The following CYTH1 variants were observed in gnomAD, a reference collection of about 807,000 sequenced individuals.
CYTH1 encodes the protein cytohesin 1, also known as cytohesin-1.
CYTH1 carries 18 observed loss-of-function variants against 61.8 expected under a neutral mutation model. The observed-to-expected ratio is 0.29, with a 90% CI of 0.20 to 0.43. CYTH1 has a LOEUF of 0.43. Among genes scored for constraint, CYTH1 ranks in the 20% least tolerant of loss-of-function variants. CYTH1 has a pLI of 1.00. For missense variants in CYTH1, 336 were observed against 510.5 expected, an observed-to-expected ratio of 0.66 and a Z score of 3.29; for synonymous variants, 174 against 184.3, an observed-to-expected ratio of 0.94 and a Z score of 0.45.
intron 11 of CYTH1, among the ~76,000 whole-genome samples, chr17:78,689,569 T>C (rs2092854994): frequency 6.6e-6 from 1 of 152,026 alleles, no homozygotes; most frequent in Non-Finnish European, 1.5e-5. Context: ...CTTCCACCGC[T>C]CGCCTGCCAC....
chr17:78,756,133 C>CA (rs1266527447), intron 1 of CYTH1, among the ~76,000 whole-genome samples: 2 of 148,530 alleles, frequency 1.3e-5, no homozygotes, highest in African/African-American at 5.0e-5. Context: ...TGGAGTGCAG[C>CA]AGCGTGATCT....
intron 3 of CYTH1, among the ~76,000 whole-genome samples, chr17:78,705,462 G>C (rs9902043): frequency 2.0e-5 from 3 of 152,114 alleles, no homozygotes; most frequent in African/African-American, 7.2e-5. Context: ...CTACTGGATC[G>C]CCTTAGTTAA....
intron 1 of CYTH1, among the ~76,000 whole-genome samples, chr17:78,712,250 C>T (rs1317599342): frequency 6.6e-6 from 1 of 151,948 alleles, no homozygotes; most frequent in East Asian, 1.9e-4. Context: ...AAAAGAAATG[C>T]ATTTTACATC....
intron 1 of CYTH1, among the ~76,000 whole-genome samples, chr17:78,725,911 A>T (rs1225733242): frequency 6.6e-6 from 1 of 152,208 alleles, no homozygotes; most frequent in East Asian, 1.9e-4. Flanking sequence ...TATACCACAC[A>T]ATCAAGCTTA....
intron 1 of CYTH1, among the ~76,000 whole-genome samples, chr17:78,772,739 T>C (rs1041683425): frequency 2.0e-5 from 3 of 151,446 alleles, no homozygotes; most frequent in Admixed American, 1.3e-4. Flanking sequence ...AGTTTCACAA[T>C]GTTGGCCAGG....
At chr17:78,678,111 C>T (rs1044043271) in intron 13 of CYTH1, 3 of 152,360 alleles carry the variant, frequency 2.0e-5, no homozygotes, top group Admixed American at 6.5e-5. Flanking sequence ...CGCTCCGGGA[C>T]AGAGCAGAGG....
chr17:78,756,988 CTTTTTTTTTTTT>C (rs869039489), intron 1 of CYTH1, among the ~76,000 whole-genome samples: 1 of 129,766 alleles, frequency 7.7e-6, no homozygotes, highest in Non-Finnish European at 1.7e-5. Context: ...TCTTTTTTTT[CTTTTTTTTTTTT>C]TTTTTTGAGA....
intron 1 of CYTH1, among the ~76,000 whole-genome samples, chr17:78,758,533 C>T (rs959692996): frequency 2.6e-5 from 4 of 152,052 alleles, no homozygotes; most frequent in African/African-American, 7.2e-5. Flanking sequence ...GGAGAAACCC[C>T]GTCTCTACTA....
At chr17:78,684,942 T>A (rs2092801151) in intron 11 of CYTH1, among the ~76,000 whole-genome samples, 1 of 152,206 alleles carries the variant, frequency 6.6e-6, no homozygotes, top group African/African-American at 2.4e-5. Flanking sequence ...GGCTCACGCC[T>A]GTAATCCCAG....
intron 1 of CYTH1, among the ~76,000 whole-genome samples, chr17:78,777,628 G>A (rs983894187): frequency 6.6e-6 from 1 of 151,886 alleles, no homozygotes; most frequent in Non-Finnish European, 1.5e-5. Flanking sequence ...TTATCAATGA[G>A]CTATGTTCCA....
intron 1 of CYTH1, among the ~76,000 whole-genome samples, chr17:78,777,367 G>A (rs917843527): frequency 6.6e-6 from 1 of 152,146 alleles, no homozygotes; most frequent in African/African-American, 2.4e-5. Flanking sequence ...GCAGTGAGCC[G>A]AGATTGCGCC....
chr17:78,744,452 A>C (rs1271254776), intron 1 of CYTH1, among the ~76,000 whole-genome samples: 1 of 152,202 alleles, frequency 6.6e-6, no homozygotes, highest in Non-Finnish European at 1.5e-5. Flanking sequence ...AGTGTCCTCC[A>C]AAGTCCCGAA....
intron 9 of CYTH1, among the ~76,000 whole-genome samples, chr17:78,697,828 G>A (rs1363836225): frequency 2.0e-5 from 3 of 152,162 alleles, no homozygotes; most frequent in African/African-American, 7.2e-5. Flanking sequence ...AGTGGTTATG[G>A]GGACAGGGAA....
At chr17:78,781,154 G>A (rs986915720) in intron 1 of CYTH1, among the ~76,000 whole-genome samples, 20 of 150,458 alleles carry the variant, frequency 1.3e-4, no homozygotes, top group Non-Finnish European at 8.9e-5. Flanking sequence ...GGGTGACAGA[G>A]CGAGATCTCG....
intron 13 of CYTH1, chr17:78,677,187 C>G: frequency 2.5e-6 from 1 of 408,160 alleles, no homozygotes; most frequent in Non-Finnish European, 4.9e-6. Context: ...AGTGCTTTCA[C>G]GAGGGAATCT....
At chr17:78,735,027 A>AT (rs1435258901) in intron 1 of CYTH1, among the ~76,000 whole-genome samples, 4 of 152,114 alleles carry the variant, frequency 2.6e-5, no homozygotes, top group African/African-American at 9.7e-5. Flanking sequence ...AAGGGCATCT[A>AT]TTTTAGCAGT....
intron 1 of CYTH1, among the ~76,000 whole-genome samples, chr17:78,773,217 C>T (rs1313112103): frequency 1.3e-5 from 2 of 152,098 alleles, no homozygotes; most frequent in Non-Finnish European, 2.9e-5. Context: ...TGCCTGTAAT[C>T]CTAGTACTTT....
rs2093452051 is a variant in CYTH1, at chr17:78,767,167, T to G, written c.22+15035A>C. ...CCCAGTAGGTAACTGCCTGTTGGGT[T>G]TGCTCAAAAGTACGTCTCAGCCGGG... is the stretch of plus-strand genomic sequence containing the variant. On this transcript the variant is annotated intron_variant, in intron 1 of 13. Transcript: ENST00000446868. Among the ~76,000 whole-genome samples, 3 of 152,182 alleles carry G rather than the reference T, an allele frequency of 2.0e-5. No homozygotes were observed. In the South Asian group the frequency reaches 6.2e-4, roughly 32 times the overall value.
intron 11 of CYTH1, among the ~76,000 whole-genome samples, chr17:78,681,283 G>T (rs1341769676): frequency 6.6e-6 from 1 of 152,188 alleles, no homozygotes; most frequent in Non-Finnish European, 1.5e-5. Context: ...CAGACACCGT[G>T]AGAGTGTGGC....
Sources: allele counts gnomAD v4.1 joint callset (sites outside exome capture counted in the v4.1 genomes callset), GRCh38; gene constraint gnomAD v4.1.1; transcripts MANE v1.5; gene names NCBI Gene and HGNC (gene_info 2026-07-23, HGNC 2026-07-21).